AMTN: variants seen among roughly 807,000 people sequenced by gnomAD.
The protein encoded by AMTN is amelotin.
A neutral mutation model predicts 27.4 loss-of-function variants in AMTN; 29 were observed. The observed-to-expected ratio is 1.06, with a 90% confidence interval of 0.79 to 1.44. The LOEUF (loss-of-function observed/expected upper bound fraction) is 1.44, where lower values mean the gene tolerates loss of function less well. Ranked by LOEUF, AMTN falls within the 40% of genes most tolerant of loss-of-function variation. The pLI, the probability that AMTN is intolerant of heterozygous loss-of-function variation, is 0.00. For missense variants in AMTN, 247 were observed against 248.8 expected (o/e 0.99, Z 0.05); for synonymous variants, 86 against 95.7 (o/e 0.90, Z 0.59).
At chr4:70,528,514 G>T (rs975030333) in intron 5 of AMTN, among the ~76,000 whole-genome samples, 1 of 151,796 alleles carries the variant, frequency 6.6e-6, no homozygotes, top group Admixed American at 6.6e-5. Flanking sequence ...ACTGGGCATA[G>T]TAGCAGGCAA....
At chr4:70,521,470 C>T (rs56169117) in intron 2 of AMTN, among the ~76,000 whole-genome samples, 65,677 of 147,530 alleles carry the variant, frequency 0.45, 15,419 homozygotes, top group Admixed American at 0.52. Flanking sequence ...AAGATTAGAC[C>T]ATCATTTTCA....
At chr4:70,518,899 C>T in intron 2 of AMTN, 68 bp downstream of exon 2, 1 of 1,241,484 alleles carries the variant, frequency 8.1e-7, no homozygotes, top group Non-Finnish European at 1.2e-6. Context: ...AGACCTACCT[C>T]TCTCCTGCCC....
chr4:70,530,978 A>G, intron 7 of AMTN, 61 bp from the exon 8 acceptor site: 1 of 1,584,896 alleles, frequency 6.3e-7, no homozygotes, highest in Non-Finnish European at 8.6e-7. Context: ...TGCTCCCCTT[A>G]AAAGAGAAAA....
Position 70,530,967 on chromosome 4 carries a change from T to C in AMTN, c.358-72T>C. ...TCCATCTTTCCATTCCTACCCAAACTTGCTCCCCTTAAAAGAGAAAAGAAA... is the reference window on the plus strand; with the variant it reads ...TCCATCTTTCCATTCCTACCCAAACCTGCTCCCCTTAAAAGAGAAAAGAAA... On this transcript the variant is annotated intron_variant, in intron 7 of 8. Transcript: ENST00000339336. 1.2e-5 allele frequency: 19 copies of C among 1,556,146 alleles called. No homozygotes were observed. In the South Asian group the frequency reaches 2.1e-4, roughly 17 times the overall value.
intron 5 of AMTN, among the ~76,000 whole-genome samples, chr4:70,527,946 T>G (rs1369403539): frequency 6.6e-6 from 1 of 152,198 alleles, no homozygotes; most frequent in African/African-American, 2.4e-5. Flanking sequence ...CTGAGCAATA[T>G]TCCCTATAAT....
At chr4:70,531,433 G>A (rs1736222198) in intron 8 of AMTN, 133 bp downstream of exon 8, 2 of 1,147,024 alleles carry the variant, frequency 1.7e-6, no homozygotes, top group South Asian at 1.6e-5. Context: ...CTCACTCACA[G>A]TTAACTCCAG....
rs181475039 is a variant in AMTN at position 70,521,867 on chromosome 4, G to A, written c.55-888G>A. 3.4e-3 allele frequency among the ~76,000 whole-genome samples: 522 copies of A among 152,024 alleles called. 1 individual carries two copies. Among genetic ancestry groups the A allele is most frequent in the African/African-American group, 0.012 (502 of 41,488 alleles). On this transcript the variant is annotated intron_variant, in intron 2 of 8. Transcript: ENST00000339336. ...ACTCCTGACCTCAAGTGGTCCGCCC[G>A]CCTTGGCCTCCCAAAGTGCTGGGAT... is the stretch of plus-strand genomic sequence containing the variant.
At chr4:70,527,017 G>C (rs943657193) in intron 5 of AMTN, among the ~76,000 whole-genome samples, 1 of 152,094 alleles carries the variant, frequency 6.6e-6, no homozygotes, top group Non-Finnish European at 1.5e-5. Flanking sequence ...AACCATGCTT[G>C]TGAACTCTAG....
rs1328608478 is a variant in AMTN, at chr4:70,531,310, C to T, written c.619+10C>T. Reference sequence around the variant, plus strand: ...ACAGAATCAGCAAATGGTAAATTCTCCTAGCTTGGAACATGCTTCTTGGCT... The same window carrying T: ...ACAGAATCAGCAAATGGTAAATTCTTCTAGCTTGGAACATGCTTCTTGGCT... On this transcript the variant is annotated intron_variant, in intron 8 of 8. Transcript: ENST00000339336. 2 of 1,613,160 alleles carry T rather than the reference C, an allele frequency of 1.2e-6. No individual in the cohort carries two copies. The highest frequency in any genetic ancestry group is 1.7e-6 in the Non-Finnish European group (2 of 1,179,260).
chr4:70,531,450 G>A (rs1176198574), intron 8 of AMTN, 150 bp downstream of exon 8: 7 of 1,041,884 alleles, frequency 6.7e-6, no homozygotes, highest in Non-Finnish European at 9.6e-6. Flanking sequence ...CCAGCAACAT[G>A]AGGGAATATT....
intron 3 of AMTN, 130 bp downstream of exon 3, chr4:70,522,968 T>C: frequency 1.3e-6 from 1 of 765,728 alleles, no homozygotes; most frequent in East Asian, 2.7e-5. Context: ...TGTACAAGAC[T>C]GAACAAGAGA....
chr4:70,521,132 C>A lies in AMTN; in HGVS notation c.55-1623C>A, dbSNP rs991790534. 4.6e-5 allele frequency among the ~76,000 whole-genome samples: 7 copies of A among 152,112 alleles called. No individual in the cohort carries two copies. In the East Asian group the frequency reaches 1.2e-3, roughly 25 times the overall value. On this transcript the variant is annotated intron_variant, in intron 2 of 8. Transcript: ENST00000339336. ...CGGTGGCTAACGCCCGTAATCCCAACACTTTGGGGGCCAAGGCAGGCGGAT... is the reference window on the plus strand; with the variant it reads ...CGGTGGCTAACGCCCGTAATCCCAAAACTTTGGGGGCCAAGGCAGGCGGAT...
At position 70,532,524 on chromosome 4, in the gene AMTN, A is replaced by T; in HGVS notation, c.*59A>T. On this transcript the variant is annotated 3_prime_UTR_variant, in exon 9 of 9. Transcript: ENST00000339336. ...AATTTGGTGATACATGTGAATCTTTATCATTGATTATATTATGGAATAGAT... is the reference window on the plus strand; with the variant it reads ...AATTTGGTGATACATGTGAATCTTTTTCATTGATTATATTATGGAATAGAT... The T allele has an allele frequency of 6.8e-7, 1 of 1,461,376 alleles. No homozygotes were observed. Among genetic ancestry groups the T allele is most frequent in the South Asian group, 1.2e-5 (1 of 85,264 alleles). The allele number at this position is 1,461,376 out of a possible 1,614,324, so 90.5% of individuals were successfully genotyped here. A position where few individuals can be genotyped will look rare whatever the true frequency, so the allele number is the denominator to read the frequency against.
intron 2 of AMTN, among the ~76,000 whole-genome samples, chr4:70,522,179 C>T (rs537254186): frequency 1.7e-4 from 25 of 150,152 alleles, no homozygotes; most frequent in Admixed American, 3.3e-4. Flanking sequence ...TTACTGTAAG[C>T]ATCAGTTGCC....
At position 70,529,195 on chromosome 4, in the gene AMTN, A is replaced by G; in HGVS notation, c.342A>G (p.Leu114=). 1 of 1,554,958 alleles carries G rather than the reference A, an allele frequency of 6.4e-7. No homozygotes were observed. Among genetic ancestry groups the G allele is most frequent in the Admixed American group, 2.2e-5 (1 of 45,878 alleles). Residue 114 remains leucine (L), a synonymous_variant, in exon 7 of 9, where the codon CTA becomes CTG. Coordinates refer to ENST00000339336, the MANE Select transcript of AMTN (RefSeq NM_212557.4). ...CATTTTGCTTTTAGGGCACTATCCT[A>G]AGCTCAGAGGAATTGGTAAAAAAAA... ...VTQLGAQGTI[L]SSEELPQIFT... is the part of the protein sequence containing the mutation.
At chr4:70,529,942 T>A (rs969960680) in intron 7 of AMTN, among the ~76,000 whole-genome samples, 2 of 152,208 alleles carry the variant, frequency 1.3e-5, no homozygotes, top group Non-Finnish European at 2.9e-5. Context: ...AACATCCATA[T>A]CCAGCTACTG....
intron 2 of AMTN, 75 bp from the exon 3 acceptor site, chr4:70,522,680 C>A (rs1234889434): frequency 2.8e-6 from 4 of 1,411,580 alleles, no homozygotes; most frequent in African/African-American, 1.4e-5. Context: ...GCATTGGTGG[C>A]AACCTGGATA....
intron 7 of AMTN, among the ~76,000 whole-genome samples, chr4:70,529,598 A>T (rs1344818488): frequency 6.6e-6 from 1 of 152,190 alleles, no homozygotes; most frequent in Non-Finnish European, 1.5e-5. Flanking sequence ...TGGATATTTA[A>T]TTTTTATGGA....
At position 70,524,902 on chromosome 4, in the gene AMTN, ACCCAGACC is replaced by A; in HGVS notation, c.237_244del (p.Gln80ProfsTer63). Reference sequence around the variant, plus strand: ...TCCTGCTGCAGGAATGACACCTGGTACCCAGACCCACCCATTGACCCTGGGAGGGTTGA... The same window carrying A: ...TCCTGCTGCAGGAATGACACCTGGTACACCCATTGACCCTGGGAGGGTTGA... On this transcript the variant is annotated frameshift_variant, in exon 5 of 9. Transcript: ENST00000339336. LOFTEE classifies it high-confidence loss of function. 1.2e-6 allele frequency: 2 copies of A among 1,614,062 alleles called. No homozygotes were observed. Among genetic ancestry groups the A allele is most frequent in the Non-Finnish European group, 1.7e-6 (2 of 1,179,950 alleles).
Sources: allele counts gnomAD v4.1 joint callset (sites outside exome capture counted in the v4.1 genomes callset), GRCh38; gene constraint gnomAD v4.1.1; transcripts MANE v1.5; gene names NCBI Gene and HGNC (gene_info 2026-07-23, HGNC 2026-07-21).